The following UBA2 variants were observed in gnomAD, a reference collection of about 807,000 sequenced individuals.
UBA2 encodes the protein ubiquitin like modifier activating enzyme 2, also known as SUMO-activating enzyme subunit 2.
Under a neutral mutation model 77.2 loss-of-function variants are expected in UBA2, and 11 were observed. The ratio of observed to expected loss-of-function variants is 0.14; its 90% CI spans 0.09 to 0.24. The LOEUF is 0.24. Among genes scored for constraint, UBA2 ranks in the 10% least tolerant of loss-of-function variants. UBA2 has a pLI of 1.00. For missense variants in UBA2, 487 were observed against 781.7 expected (o/e 0.62, Z 4.50); for synonymous variants, 278 against 276.7 (o/e 1.00, Z -0.05).
intron 6 of UBA2, among the ~76,000 whole-genome samples, chr19:34,440,836 G>A (rs1244842962): frequency 6.7e-6 from 1 of 150,222 alleles, no homozygotes; most frequent in Non-Finnish European, 1.5e-5. Context: ...TGAGGCAGGA[G>A]AATTGCTTGA....
chr19:34,453,933 A>C (rs1264165497), intron 10 of UBA2, among the ~76,000 whole-genome samples: 1 of 152,108 alleles, frequency 6.6e-6, no homozygotes, highest in African/African-American at 2.4e-5. Context: ...TGCCATTGTC[A>C]GTGAGTGGAA....
intron 5 of UBA2, among the ~76,000 whole-genome samples, chr19:34,436,071 G>A (rs1303240512): frequency 6.3e-5 from 9 of 142,614 alleles, no homozygotes; most frequent in African/African-American, 2.4e-4. Context: ...GGTGAGCTGA[G>A]ATCACGCCAT....
chr19:34,450,432 C>A (rs1407360139), intron 9 of UBA2, 68 bp downstream of exon 9: 4 of 1,084,228 alleles, frequency 3.7e-6, no homozygotes, highest in South Asian at 3.1e-5. Context: ...CTTTGTATAG[C>A]CCTGTTGTTG....
intron 1 of UBA2, 45 bp downstream of exon 1, chr19:34,428,615 G>T (rs753505599): frequency 3.1e-6 from 4 of 1,297,036 alleles, no homozygotes; most frequent in African/African-American, 1.5e-5. Context: ...TGTGGTGCGG[G>T]GGCTGGGATT....
chr19:34,460,442 T>A, intron 13 of UBA2, 28 bp from the exon 14 acceptor site: 1 of 1,402,088 alleles, frequency 7.1e-7, no homozygotes, highest in South Asian at 1.3e-5. Context: ...TACGTTAATA[T>A]TTTGAATCCT....
chr19:34,462,698 G>T (rs1332330731), intron 14 of UBA2, among the ~76,000 whole-genome samples: 2 of 152,204 alleles, frequency 1.3e-5, no homozygotes, highest in African/African-American at 4.8e-5. Flanking sequence ...TGGTGCACTG[G>T]CTCACACCTC....
At position 34,458,849 on chromosome 19, in the gene UBA2, T is replaced by C. The variant is rs541356727; in HGVS notation, c.1326T>C (p.Tyr442=). The change falls in exon 13 of 17, where the codon TAT becomes TAC. Residue 442 remains tyrosine (Y), a synonymous_variant. Transcript: ENST00000246548. ...CALDPPNPNC[Y]VCASKPEVTV... is the part of the protein sequence containing the mutation. Reference sequence around the variant, plus strand: ...TGGATCCTCCCAACCCCAATTGTTATGTATGTGCCAGCAAGCCAGAGGTGA... The same window carrying C: ...TGGATCCTCCCAACCCCAATTGTTACGTATGTGCCAGCAAGCCAGAGGTGA... 13 of 1,614,148 alleles carry C rather than the reference T, an allele frequency of 8.1e-6. No homozygotes were observed. The highest frequency in any genetic ancestry group is 7.7e-5 in the South Asian group (7 of 91,078).
At chr19:34,429,899 C>G (rs548062013) in intron 1 of UBA2, among the ~76,000 whole-genome samples, 15 of 152,148 alleles carry the variant, frequency 9.9e-5, no homozygotes, top group Middle Eastern at 3.4e-3. Flanking sequence ...AAGAGTAATT[C>G]GATTGAAAGA....
intron 12 of UBA2, among the ~76,000 whole-genome samples, chr19:34,457,605 T>C (rs1361841015): frequency 6.6e-6 from 1 of 152,180 alleles, no homozygotes; most frequent in Non-Finnish European, 1.5e-5. Flanking sequence ...GTATTCATTG[T>C]ACGGAGAAGC....
intron 8 of UBA2, among the ~76,000 whole-genome samples, chr19:34,447,761 A>G (rs1049926770): frequency 6.6e-6 from 1 of 152,216 alleles, no homozygotes; most frequent in Non-Finnish European, 1.5e-5. Context: ...CCCTTGAATA[A>G]TAAGTTTCAT....
chr19:34,441,913 T>A (rs8106423), intron 6 of UBA2, among the ~76,000 whole-genome samples: 1 of 141,128 alleles, frequency 7.1e-6, no homozygotes, highest in African/African-American at 2.6e-5. Flanking sequence ...AGAGCGAGAC[T>A]GTGTCTCAGA....
chr19:34,466,615 G>C (rs2075690738), intron 15 of UBA2, among the ~76,000 whole-genome samples: 1 of 152,014 alleles, frequency 6.6e-6, no homozygotes, highest in Non-Finnish European at 1.5e-5. Flanking sequence ...AATCCAAGGT[G>C]GGTATGGTTG....
At position 34,469,286 on chromosome 19, in the gene UBA2, T is replaced by G; in HGVS notation, c.*65T>G. 7.1e-7 allele frequency: 1 copy of G among 1,406,526 alleles called. No individual in the cohort carries two copies. The highest frequency in any genetic ancestry group is 9.3e-7 in the Non-Finnish European group (1 of 1,075,110). 87.1% of individuals were successfully genotyped at this position (1,406,526 alleles called of 1,614,324 possible). A position where few individuals can be genotyped will look rare whatever the true frequency, so the allele number is the denominator to read the frequency against. On this transcript the variant is annotated 3_prime_UTR_variant, in exon 17 of 17. Coordinates refer to ENST00000246548, the MANE Select transcript of UBA2 (RefSeq NM_005499.3). ...TTATCTGGGCAGAACCAGATTGTTA[T>G]GTCCTTTGTTCCAAAGGGAAAAAAT...
At chr19:34,428,643 CAGGGGCTCTGAGGCTCA>C in intron 1 of UBA2, 73 bp downstream of exon 1, 1 of 1,202,268 alleles carries the variant, frequency 8.3e-7, no homozygotes, top group East Asian at 3.6e-5. Flanking sequence ...TCCGGGGCTC[CAGGGGCTCTGAGGCTCA>C]GGGCCCGGAG....
At chr19:34,444,712 C>T (rs967656782) in intron 7 of UBA2, among the ~76,000 whole-genome samples, 6 of 152,180 alleles carry the variant, frequency 3.9e-5, no homozygotes, top group African/African-American at 9.6e-5. Context: ...GAGGTTGAGA[C>T]GGGAAGATGG....
chr19:34,444,127 G>A (rs2075402599), intron 7 of UBA2, among the ~76,000 whole-genome samples: 1 of 134,190 alleles, frequency 7.5e-6, no homozygotes, highest in African/African-American at 2.8e-5. Flanking sequence ...GTATAATCTC[G>A]GCTCACTGCA....
intron 7 of UBA2, among the ~76,000 whole-genome samples, chr19:34,444,180 C>T (rs539429570): frequency 2.0e-5 from 3 of 150,644 alleles, no homozygotes; most frequent in African/African-American, 7.3e-5. Context: ...GCCTCAGGCT[C>T]CTGAGTAGCT....
chr19:34,431,717 C>T, intron 2 of UBA2, 144 bp from the exon 3 acceptor site: 1 of 678,308 alleles, frequency 1.5e-6, no homozygotes, highest in South Asian at 1.9e-5. Flanking sequence ...AACCCTAATG[C>T]AATTTTCTCA....
intron 6 of UBA2, 54 bp downstream of exon 6, chr19:34,438,820 G>C: frequency 6.3e-7 from 1 of 1,599,028 alleles, no homozygotes; most frequent in Non-Finnish European, 8.5e-7. Flanking sequence ...GGAAAATGGA[G>C]TCATTTTTAT....
Sources: allele counts gnomAD v4.1 joint callset (sites outside exome capture counted in the v4.1 genomes callset), GRCh38; gene constraint gnomAD v4.1.1; transcripts MANE v1.5; gene names NCBI Gene and HGNC (gene_info 2026-07-23, HGNC 2026-07-21).